DOP1A: variants seen among roughly 807,000 people sequenced by gnomAD.
The protein encoded by DOP1A is DOP1 leucine zipper like protein A.
Under a neutral mutation model 267.6 loss-of-function variants are expected in DOP1A, and 90 were observed. The ratio of observed to expected loss-of-function variants is 0.34; its 90% confidence interval spans 0.28 to 0.40. The LOEUF is 0.40. DOP1A is among the 10% of genes least tolerant of loss of function. DOP1A has a pLI of 1.00. For synonymous variants in DOP1A, 932 were observed against 999.1 expected, an observed-to-expected ratio of 0.93 and a Z score of 1.27; for missense variants, 2,437 against 2,900.4, an observed-to-expected ratio of 0.84 and a Z score of 3.67.
chr6:83,141,864 G>C, intron 23 of DOP1A, 57 bp from the exon 24 acceptor site: 1 of 1,554,192 alleles, frequency 6.4e-7, no homozygotes. Flanking sequence ...CAGTCTAGTT[G>C]TAAATGTTTT....
In DOP1A at chr6:83,162,797, T is replaced by C; in HGVS notation, c.6970T>C (p.Trp2324Arg). ...ENLPQFQMYRWAFIPEASDDS... is the reference protein window; with the variant it reads ...ENLPQFQMYRRAFIPEASDDS... ...TCATTATTCTATACATAGGTACCGATGGGCCTTTATTCCAGAAGCCTCAGA... is the reference window on the plus strand; with the variant it reads ...TCATTATTCTATACATAGGTACCGACGGGCCTTTATTCCAGAAGCCTCAGA... The change falls in exon 38 of 39, where the codon TGG (tryptophan) becomes CGG (arginine). Residue 2324 changes from tryptophan (W) to arginine (R), a missense_variant. Trp to Arg is a moderately radical substitution (Grantham distance 101, BLOSUM62 -3). Transcript: ENST00000349129. 1 of 1,611,856 alleles carries C rather than the reference T, an allele frequency of 6.2e-7. No individual in the cohort carries two copies. The highest frequency in any genetic ancestry group is 8.5e-7 in the Non-Finnish European group (1 of 1,178,836).
In DOP1A at chr6:83,113,315, TATTTC is replaced by T. The variant is rs763029823; in HGVS notation, c.682-6_682-2del. ...AGACAATAGATGTTAAAGATGCTGTTATTTCAGGTAGAAGCAGTAAGTACTTCAGT... is the reference window on the plus strand; with the variant it reads ...AGACAATAGATGTTAAAGATGCTGTTAGGTAGAAGCAGTAAGTACTTCAGT... On this transcript the variant is annotated splice_region_variant and splice_polypyrimidine_tract_variant and intron_variant, in intron 6 of 38. Transcript: ENST00000349129. The T allele has an allele frequency of 6.2e-7, 1 of 1,609,278 alleles. No individual in the cohort carries two copies.
At position 83,096,916 on chromosome 6, in the gene DOP1A, C is replaced by G. The variant is rs1052785903; in HGVS notation, c.-53-9C>G. ...GTAACCTTGGTTCCTCCTGCAAACT[C>G]TTTTGTAGGTAATGACTTTACATGA... On this transcript the variant is annotated splice_polypyrimidine_tract_variant and intron_variant, in intron 2 of 38. Coordinates refer to ENST00000349129, the MANE Select transcript of DOP1A (RefSeq NM_015018.4). 1.9e-6 allele frequency: 3 copies of G among 1,577,506 alleles called. No individual in the cohort carries two copies. Among genetic ancestry groups the G allele is most frequent in the South Asian group, 2.3e-5 (2 of 85,826 alleles).
At position 83,139,073 on chromosome 6, in the gene DOP1A, AGT is replaced by A; in HGVS notation, c.5033_5034del (p.Val1678GlyfsTer14). ...CTTACATGGGAAAAGTTCTGCAGAG[AGT>A]GGTTGTTTCTGTGACACTACAACTG... ...LPYMGKVLQR[V>X]VVSVTLQLCR... On this transcript the variant is annotated frameshift_variant, in exon 21 of 39. Coordinates refer to ENST00000349129, the MANE Select transcript of DOP1A (RefSeq NM_015018.4). LOFTEE classifies it high-confidence loss of function. 6.2e-7 allele frequency: 1 copy of A among 1,613,998 alleles called. No individual in the cohort carries two copies. Among genetic ancestry groups the A allele is most frequent in the Non-Finnish European group, 8.5e-7 (1 of 1,179,880 alleles).
Position 83,137,724 on chromosome 6 carries a change from G to A in DOP1A, c.3682G>A (p.Val1228Met), listed in dbSNP as rs1375564927. 17 of 1,613,562 alleles carry A rather than the reference G, an allele frequency of 1.1e-5. No homozygotes were observed. The highest frequency in any genetic ancestry group is 2.2e-5 in the East Asian group (1 of 44,890). The change falls in exon 21 of 39, where the codon GTG becomes ATG. Residue 1228 changes from valine to methionine, a missense_variant. This residue lies in a region of DOP1A where 878 missense variants were observed against 992.9 expected (regional missense o/e 0.88). Coordinates refer to ENST00000349129, the MANE Select transcript of DOP1A (RefSeq NM_015018.4). Reference protein sequence around the residue: ...SVSAEGGHECVANGISRNSSS... With the variant: ...SVSAEGGHECMANGISRNSSS... ...GTCTGCAGAGGGAGGCCATGAGTGT[G>A]TGGCAAATGGAATCTCCAGGAATAG...
intron 7 of DOP1A, among the ~76,000 whole-genome samples, chr6:83,115,323 A>C (rs990666456): frequency 5.3e-5 from 8 of 152,234 alleles, no homozygotes; most frequent in Non-Finnish European, 1.5e-5. Context: ...TGAAATATGT[A>C]TACATTCTGG....
At chr6:83,135,242 GAGGA>G (rs553202285) in intron 19 of DOP1A, among the ~76,000 whole-genome samples, 3,293 of 152,196 alleles carry the variant, frequency 0.022, 40 homozygotes, top group African/African-American at 0.036. Context: ...AGTGTGAGCA[GAGGA>G]ACATGGACCA....
chr6:83,124,862 C>T (rs779898543), intron 13 of DOP1A, 43 bp downstream of exon 13: 6 of 1,461,830 alleles, frequency 4.1e-6, no homozygotes, highest in South Asian at 1.2e-5. Context: ...AATCGAATAA[C>T]GTAGTTCAAA....
intron 1 of DOP1A, among the ~76,000 whole-genome samples, chr6:83,076,736 AT>A (rs1767161052): frequency 6.6e-6 from 1 of 152,174 alleles, no homozygotes; most frequent in South Asian, 2.1e-4. Context: ...AGTTTAAAAA[AT>A]TACTCTCTAA....
intron 27 of DOP1A, 57 bp from the exon 28 acceptor site, chr6:83,151,536 C>A: frequency 1.4e-6 from 2 of 1,391,022 alleles, no homozygotes; most frequent in African/African-American, 1.4e-5. Flanking sequence ...AATTAGATCG[C>A]ATTAGTTTCT....
chr6:83,073,147 A>G (rs1785902462), intron 1 of DOP1A: 1 of 179,846 alleles, frequency 5.6e-6, no homozygotes, highest in South Asian at 9.7e-5. Flanking sequence ...CAGTGGCATG[A>G]TCTCGGCTCA....
chr6:83,088,032 C>T (rs1313974325), intron 1 of DOP1A, among the ~76,000 whole-genome samples: 8 of 152,144 alleles, frequency 5.3e-5, no homozygotes, highest in African/African-American at 9.7e-5. Context: ...CCGCCATGCC[C>T]GGCTAACCTT....
chr6:83,106,976 G>A (rs549717949), intron 4 of DOP1A, among the ~76,000 whole-genome samples: 1 of 152,254 alleles, frequency 6.6e-6, no homozygotes, highest in South Asian at 2.1e-4. Flanking sequence ...GCAATTGGTG[G>A]ACATTGGTGA....
chr6:83,159,724 C>A (rs1320820608), intron 36 of DOP1A, 72 bp from the exon 37 acceptor site: 1 of 1,553,134 alleles, frequency 6.4e-7, no homozygotes, highest in Non-Finnish European at 8.8e-7. Context: ...TTAGCTGGTA[C>A]TTTTAGATCT....
chr6:83,147,451 A>T (rs1367519252), intron 26 of DOP1A, among the ~76,000 whole-genome samples, 160 bp downstream of exon 26: 1 of 152,190 alleles, frequency 6.6e-6, no homozygotes, highest in Non-Finnish European at 1.5e-5. Flanking sequence ...TAGATAGTAA[A>T]ACACTGAATT....
intron 23 of DOP1A, 135 bp from the exon 24 acceptor site, chr6:83,141,786 G>A: frequency 1.3e-6 from 1 of 766,256 alleles, no homozygotes; most frequent in Non-Finnish European, 1.9e-6. Flanking sequence ...CGTTATTAAA[G>A]TTTCCTCTAG....
intron 6 of DOP1A, 62 bp from the exon 7 acceptor site, chr6:83,113,261 T>C: frequency 7.4e-7 from 1 of 1,355,586 alleles, no homozygotes. Flanking sequence ...AGTTGTCACA[T>C]TTTCGTGGCA....
chr6:83,167,813 A>G (rs1474612490), intron 38 of DOP1A, 49 bp from the exon 39 acceptor site: 1 of 1,533,610 alleles, frequency 6.5e-7, no homozygotes, highest in East Asian at 2.3e-5. Context: ...TTTCTAACAT[A>G]CCACATTGTC....
chr6:83,147,498 C>T (rs933536583), intron 26 of DOP1A, among the ~76,000 whole-genome samples: 1 of 152,054 alleles, frequency 6.6e-6, no homozygotes, highest in African/African-American at 2.4e-5. Context: ...AAAAGTTGAA[C>T]CTACTCTCGA....
Sources: allele counts gnomAD v4.1 joint callset (sites outside exome capture counted in the v4.1 genomes callset), GRCh38; gene constraint gnomAD v4.1.1; regional missense constraint gnomAD v4.1.1; transcripts MANE v1.5; gene names NCBI Gene and HGNC (gene_info 2026-07-23, HGNC 2026-07-21).